WASF3: variants seen among roughly 807,000 people sequenced by gnomAD.
WASF3 encodes the protein WASP family member 3, also known as actin-binding protein WASF3.
A neutral mutation model predicts 46.6 loss-of-function variants in WASF3; 11 were observed. That is an observed-to-expected ratio of 0.24 (90% CI 0.15 to 0.39). The LOEUF is 0.39. Among genes scored for constraint, WASF3 ranks in the 10% least tolerant of loss-of-function variants. The pLI, the probability that WASF3 is intolerant of heterozygous loss-of-function variation, is 1.00. For missense variants in WASF3, 576 were observed against 669.8 expected (o/e 0.86, Z 1.55); for synonymous variants, 242 against 259.7 (o/e 0.93, Z 0.65).
chr13:26,591,453 G>A (rs931809910), intron 1 of WASF3, among the ~76,000 whole-genome samples: 4 of 152,046 alleles, frequency 2.6e-5, no homozygotes, highest in Admixed American at 2.6e-4. Context: ...TTAGAAGGTG[G>A]AAACACTAGT....
chr13:26,686,804 A>C lies in WASF3; in HGVS notation c.*959A>C, dbSNP rs1182161109. ...GAGCCGCAGGAGTTCTTAGCTCCTC[A>C]GCGAGCAACAGAGAGCACTTTAGAT... On this transcript the variant is annotated 3_prime_UTR_variant, in exon 10 of 10. Transcript: ENST00000335327. 1 of 152,276 alleles carries C rather than the reference A, an allele frequency of 6.6e-6. No homozygotes were observed. Among genetic ancestry groups the C allele is most frequent in the African/African-American group, 2.4e-5 (1 of 41,470 alleles). The allele number at this position is 152,276 out of a possible 1,614,324, so 9.4% of individuals were successfully genotyped here.
intron 3 of WASF3, 61 bp downstream of exon 3, chr13:26,642,464 ATAGT>A (rs1882028144): frequency 6.6e-7 from 1 of 1,520,588 alleles, no homozygotes; most frequent in Non-Finnish European, 8.8e-7. Flanking sequence ...ATTGATTTTA[ATAGT>A]TAAATGATTG....
chr13:26,587,892 T>C (rs1235778633), intron 1 of WASF3, among the ~76,000 whole-genome samples: 2 of 152,226 alleles, frequency 1.3e-5, no homozygotes, highest in African/African-American at 4.8e-5. Context: ...AAAGTTTTTT[T>C]TGTCTCTTTT....
intron 2 of WASF3, among the ~76,000 whole-genome samples, chr13:26,627,310 A>C (rs1881497785): frequency 6.6e-6 from 1 of 152,102 alleles, no homozygotes. Flanking sequence ...ACAACCTGTA[A>C]GGCAGGCAGG....
intron 3 of WASF3, among the ~76,000 whole-genome samples, chr13:26,647,298 A>G (rs1464796365): frequency 1.3e-5 from 2 of 152,146 alleles, no homozygotes; most frequent in Non-Finnish European, 2.9e-5. Context: ...GTTACTTCTG[A>G]TACAGTACAG....
chr13:26,562,042 C>G (rs1252081812), intron 1 of WASF3, among the ~76,000 whole-genome samples: 1 of 152,192 alleles, frequency 6.6e-6, no homozygotes. Flanking sequence ...ACGTTTTTAA[C>G]ATTTTCTTTG....
intron 1 of WASF3, among the ~76,000 whole-genome samples, chr13:26,596,112 CTTTTTT>C (rs56150729): frequency 4.7e-5 from 5 of 105,384 alleles, no homozygotes; most frequent in Non-Finnish European, 1.0e-4. Context: ...GTAAGTGATC[CTTTTTT>C]TTTTTTTTTT....
chr13:26,642,269 C>A lies in WASF3; in HGVS notation c.-2C>A. On this transcript the variant is annotated 5_prime_UTR_variant, in exon 3 of 10. Coordinates refer to ENST00000335327, the MANE Select transcript of WASF3 (RefSeq NM_006646.6). ...GTGTTTTCAATTTTCAGATTGTGAA[C>A]CATGCCTTTAGTGAAGAGGAACATT... The A allele has an allele frequency of 6.4e-7, 1 of 1,557,918 alleles. No individual in the cohort carries two copies. Among genetic ancestry groups the A allele is most frequent in the Non-Finnish European group, 8.6e-7 (1 of 1,160,300 alleles).
chr13:26,642,673 G>T (rs1882034552), intron 3 of WASF3, among the ~76,000 whole-genome samples: 1 of 152,168 alleles, frequency 6.6e-6, no homozygotes, highest in Non-Finnish European at 1.5e-5. Context: ...ATTTTTAAAA[G>T]CTTTTGAAAA....
Position 26,682,144 on chromosome 13 carries a change from T to C in WASF3, c.984-463T>C, listed in dbSNP as rs927238745. Among the ~76,000 whole-genome samples, 1 of 152,220 alleles carries C rather than the reference T, an allele frequency of 6.6e-6. No homozygotes were observed. On this transcript the variant is annotated intron_variant, in intron 8 of 9. Transcript: ENST00000335327. This position sits in a 1 kb window ranked among gnomAD's most constrained non-coding sequence, Gnocchi z 4.4. ...GCAGATTTCTTGGCTGTGTGACTTT[T>C]CGAAGCTTTTGATACACACCTGGGC...
At chr13:26,562,442 G>A (rs955751099) in intron 1 of WASF3, among the ~76,000 whole-genome samples, 1 of 152,074 alleles carries the variant, frequency 6.6e-6, no homozygotes, top group African/African-American at 2.4e-5. Flanking sequence ...GTGAGAGTGA[G>A]GGAGTGGAGC....
At chr13:26,632,444 C>T (rs1267698707) in intron 2 of WASF3, among the ~76,000 whole-genome samples, 1 of 152,104 alleles carries the variant, frequency 6.6e-6, no homozygotes, top group African/African-American at 2.4e-5. Context: ...TGGTTTTTGT[C>T]GTTGGTTCTG....
At chr13:26,670,011 T>C (rs917643498) in intron 5 of WASF3, among the ~76,000 whole-genome samples, 3 of 152,172 alleles carry the variant, frequency 2.0e-5, no homozygotes, top group Non-Finnish European at 2.9e-5. Context: ...ACTGGGTATA[T>C]ACCCAAAGGA....
upstream of WASF3, among the ~76,000 whole-genome samples, chr13:26,554,088 C>CTTT (rs1289008259): frequency 3.2e-4 from 9 of 27,698 alleles, no homozygotes; most frequent in East Asian, 0.013. Flanking sequence ...TCCTTCCTTC[C>CTTT]TTCCTTCCTT....
At chr13:26,647,094 A>G (rs937498836) in intron 3 of WASF3, among the ~76,000 whole-genome samples, 1 of 152,194 alleles carries the variant, frequency 6.6e-6, no homozygotes, top group African/African-American at 2.4e-5. Flanking sequence ...TCACCGTTAA[A>G]TTTTTAACAG....
rs59884262 is a variant in WASF3 at position 26,679,322 on chromosome 13, C to T, written c.717-1732C>T. On this transcript the variant is annotated intron_variant, in intron 7 of 9. Transcript: ENST00000335327. This position sits in a 1 kb window ranked among gnomAD's most constrained non-coding sequence, Gnocchi z 4.8. ...TCCTTCCCTCTTCAACTGACCAGTC[C>T]CCTCTTCCCCCAGCCCCCGTCCTCC... 6.6e-6 allele frequency among the ~76,000 whole-genome samples: 1 copy of T among 152,276 alleles called. No individual in the cohort carries two copies. Among genetic ancestry groups the T allele is most frequent in the African/African-American group, 2.4e-5 (1 of 41,554 alleles).
rs1282016997 is a variant in WASF3, at chr13:26,687,939, A to G, written c.*2094A>G. 1 of 152,054 alleles carries G rather than the reference A, an allele frequency of 6.6e-6. No homozygotes were observed. The highest frequency in any genetic ancestry group is 2.4e-5 in the African/African-American group (1 of 41,396). The allele number at this position is 152,054 out of a possible 1,614,324, so 9.4% of individuals were successfully genotyped here. On this transcript the variant is annotated 3_prime_UTR_variant, in exon 10 of 10. Transcript: ENST00000335327. ...GAACACAGAAGCTACTATCCATGTC[A>G]GGATTTATTCTATTTATATCTTATT...
chr13:26,605,391 A>T (rs1434725817), intron 1 of WASF3, among the ~76,000 whole-genome samples: 3 of 152,188 alleles, frequency 2.0e-5, no homozygotes, highest in Non-Finnish European at 4.4e-5. Flanking sequence ...TCTCATGCTC[A>T]TGCTTGTGTG....
At chr13:26,565,794 A>C (rs1361715537) in intron 1 of WASF3, among the ~76,000 whole-genome samples, 1 of 152,238 alleles carries the variant, frequency 6.6e-6, no homozygotes, top group Non-Finnish European at 1.5e-5. Flanking sequence ...AATGGTTACA[A>C]AGTTTATCAA....
Sources: allele counts gnomAD v4.1 joint callset (sites outside exome capture counted in the v4.1 genomes callset), GRCh38; gene constraint gnomAD v4.1.1; non-coding constraint Gnocchi (gnomAD v3.1); transcripts MANE v1.5; gene names NCBI Gene and HGNC (gene_info 2026-07-23, HGNC 2026-07-21).